NLGN4X: variants seen among roughly 807,000 people sequenced by gnomAD.
The protein encoded by NLGN4X is neuroligin 4 X-linked.
Under a neutral mutation model 40.3 loss-of-function variants are expected in NLGN4X, and 3 were observed. The ratio of observed to expected loss-of-function variants is 0.07; its 90% CI spans 0.03 to 0.19. NLGN4X has a LOEUF of 0.19. Ranked by LOEUF, NLGN4X falls within the 10% of genes least tolerant of loss-of-function variation. NLGN4X has a pLI of 1.00. For synonymous variants in NLGN4X, 270 were observed against 306.8 expected, an observed-to-expected ratio of 0.88 and a Z score of 1.25; for missense variants, 382 against 708.3, an observed-to-expected ratio of 0.54 and a Z score of 5.23.
chrX:5,996,069 C>T (rs1374346124), intron 3 of NLGN4X, among the ~76,000 whole-genome samples: 2 of 111,952 alleles, frequency 1.8e-5, no homozygotes, highest in African/African-American at 6.5e-5. Flanking sequence ...TATCCTCAAC[C>T]AAGTGAAAAA....
chrX:6,009,066 A>AGTGT (rs80266407), intron 3 of NLGN4X, among the ~76,000 whole-genome samples: 5,643 of 108,087 alleles, frequency 0.052, 248 homozygotes, highest in African/African-American at 0.13. Flanking sequence ...CCATTTCAGC[A>AGTGT]GTGTGTGTGT....
intron 4 of NLGN4X, among the ~76,000 whole-genome samples, chrX:5,907,997 AAG>A (rs201165141): frequency 1.2e-5 from 1 of 83,703 alleles, no homozygotes; most frequent in African/African-American, 4.5e-5. Context: ...GAGAGAGAGG[AAG>A]AGAGAGAGAG....
rs2031302218 is a variant in NLGN4X at position 5,893,341 on chromosome X, G to T, written c.1927C>A (p.Pro643Thr). Residue 643 changes from proline (P) to threonine (T), a missense_variant, in exon 6 of 6, where the codon CCT becomes ACT. Coordinates refer to ENST00000381095, the MANE Select transcript of NLGN4X (RefSeq NM_181332.3). ...TTAGAGTGTTTGGGATTGTTGGCAGGAGTGATTGCTGGGCGTTTGGTGGTT... is the reference window on the plus strand; with the variant it reads ...TTAGAGTGTTTGGGATTGTTGGCAGTAGTGATTGCTGGGCGTTTGGTGGTT... ...WPTTKRPAITPANNPKHSKDP... is the reference protein window; with the variant it reads ...WPTTKRPAITTANNPKHSKDP... The T allele has an allele frequency of 8.3e-7, 1 of 1,211,311 alleles. No homozygotes were observed. The highest frequency in any genetic ancestry group is 1.8e-5 in the South Asian group (1 of 56,926).
rs150902031 is a variant in NLGN4X at position 6,060,397 on chromosome X, C to A, written c.473-30965G>T. Among the ~76,000 whole-genome samples the A allele has an allele frequency of 3.6e-3, 400 of 111,605 alleles. 1 individual carries two copies. Among genetic ancestry groups the A allele is most frequent in the African/African-American group, 0.011 (325 of 30,721 alleles). ...TGATTCTTCCTTGGCAAAACTCCAA[C>A]CCTGGTGAAATCCACCTCCCCACCC... On this transcript the variant is annotated intron_variant, in intron 2 of 5. Coordinates refer to ENST00000381095, the MANE Select transcript of NLGN4X (RefSeq NM_181332.3).
At chrX:6,217,417 C>T (rs1479162147) in intron 1 of NLGN4X, among the ~76,000 whole-genome samples, 2 of 111,314 alleles carry the variant, frequency 1.8e-5, no homozygotes, top group African/African-American at 6.5e-5. Context: ...TGGTTATTCA[C>T]TTACGGGAGG....
intron 3 of NLGN4X, among the ~76,000 whole-genome samples, chrX:5,978,314 T>A (rs931428338): frequency 1.1e-5 from 1 of 94,500 alleles, no homozygotes; most frequent in Non-Finnish European, 2.0e-5. Context: ...CTTTCTTTCT[T>A]TCTTTCTTTC....
intron 1 of NLGN4X, among the ~76,000 whole-genome samples, chrX:6,199,917 T>C (rs1405588015): frequency 8.9e-6 from 1 of 111,838 alleles, no homozygotes; most frequent in Non-Finnish European, 1.9e-5. Flanking sequence ...CGATATTCCC[T>C]TAGGTGAGAG....
intron 2 of NLGN4X, among the ~76,000 whole-genome samples, chrX:6,088,867 A>G (rs1185185219): frequency 8.9e-6 from 1 of 111,899 alleles, no homozygotes; most frequent in Non-Finnish European, 1.9e-5. Context: ...CATAAACTGT[A>G]AGTTCCCTGA....
intron 3 of NLGN4X, among the ~76,000 whole-genome samples, chrX:6,009,369 T>C (rs766982723): frequency 1.8e-5 from 2 of 112,204 alleles, no homozygotes; most frequent in Non-Finnish European, 3.8e-5. Context: ...TGTACCATCT[T>C]ACATTCCCAC....
intron 1 of NLGN4X, among the ~76,000 whole-genome samples, chrX:6,191,238 A>G (rs1478431868): frequency 9.0e-6 from 1 of 111,459 alleles, no homozygotes; most frequent in Non-Finnish European, 1.9e-5. Context: ...AAAATTATCC[A>G]TCAACTCATG....
At chrX:6,035,726 G>C (rs887963069) in intron 2 of NLGN4X, among the ~76,000 whole-genome samples, 2 of 111,258 alleles carry the variant, frequency 1.8e-5, no homozygotes, top group African/African-American at 6.5e-5. Context: ...CCACCCCTGA[G>C]ACTGCAAGAC....
intron 2 of NLGN4X, among the ~76,000 whole-genome samples, chrX:6,029,720 T>C (rs1256916894): frequency 8.9e-6 from 1 of 111,796 alleles, no homozygotes; most frequent in Non-Finnish European, 1.9e-5. Context: ...TGGTTTTAGG[T>C]AAAGTACACA....
chrX:6,110,518 A>C (rs2147525650), intron 2 of NLGN4X, among the ~76,000 whole-genome samples: 1 of 112,077 alleles, frequency 8.9e-6, no homozygotes, highest in East Asian at 2.8e-4. Flanking sequence ...CTCTACTCCT[A>C]GGCAGCCTTC....
At chrX:6,006,087 T>C (rs1044598321) in intron 3 of NLGN4X, among the ~76,000 whole-genome samples, 1 of 111,326 alleles carries the variant, frequency 9.0e-6, no homozygotes, top group Non-Finnish European at 1.9e-5. Context: ...GATTTTTCAG[T>C]GAACCCTCAG....
At chrX:5,994,957 A>G (rs1426404133) in intron 3 of NLGN4X, among the ~76,000 whole-genome samples, 2 of 112,678 alleles carry the variant, frequency 1.8e-5, no homozygotes, top group African/African-American at 6.4e-5. Flanking sequence ...GTCAAAACAT[A>G]TACCTTCTTT....
intron 1 of NLGN4X, among the ~76,000 whole-genome samples, chrX:6,189,653 A>G (rs1212062954): frequency 8.0e-5 from 9 of 111,855 alleles, no homozygotes; most frequent in Non-Finnish European, 1.9e-5. Flanking sequence ...ACTCGTCTAT[A>G]GCTCTGAGCC....
chrX:5,949,741 ATTAAT>A (rs1258705822), intron 3 of NLGN4X, among the ~76,000 whole-genome samples: 1 of 112,139 alleles, frequency 8.9e-6, no homozygotes, highest in Non-Finnish European at 1.9e-5. Context: ...TTGTTCACAC[ATTAAT>A]TCAATTCAAT....
At chrX:6,021,367 T>C (rs1465736056) in intron 3 of NLGN4X, among the ~76,000 whole-genome samples, 1 of 110,425 alleles carries the variant, frequency 9.1e-6, no homozygotes, top group Non-Finnish European at 1.9e-5. Context: ...CAATGGCACC[T>C]TCCTGGTGAG....
At chrX:5,937,238 C>T (rs1434981249) in intron 3 of NLGN4X, among the ~76,000 whole-genome samples, 2 of 110,732 alleles carry the variant, frequency 1.8e-5, no homozygotes, top group African/African-American at 6.6e-5. Flanking sequence ...CCACACCCAG[C>T]TAATTTTTTT....
Sources: allele counts gnomAD v4.1 joint callset (sites outside exome capture counted in the v4.1 genomes callset), GRCh38; gene constraint gnomAD v4.1.1; transcripts MANE v1.5; gene names NCBI Gene and HGNC (gene_info 2026-07-23, HGNC 2026-07-21).